PTPRK: variants seen among roughly 807,000 people sequenced by gnomAD.
PTPRK encodes the protein protein tyrosine phosphatase receptor type K.
PTPRK carries 75 observed loss-of-function variants against 178.0 expected under a neutral mutation model. The ratio of observed to expected loss-of-function variants is 0.42; its 90% CI spans 0.35 to 0.51. The LOEUF (loss-of-function observed/expected upper bound fraction) is 0.51, where lower values mean the gene tolerates loss of function less well. PTPRK is among the 20% of genes least tolerant of loss of function. The pLI is 0.02. For synonymous variants in PTPRK, 637 were observed against 620.6 expected, an observed-to-expected ratio of 1.03 and a Z score of -0.39; for missense variants, 1,441 against 1,797.8, an observed-to-expected ratio of 0.80 and a Z score of 3.59.
chr6:128,026,235 T>C (rs902238215), intron 13 of PTPRK, among the ~76,000 whole-genome samples: 3 of 152,236 alleles, frequency 2.0e-5, no homozygotes, highest in Non-Finnish European at 4.4e-5. Context: ...AATTTGTTTT[T>C]ACTGCTACCA....
intron 5 of PTPRK, among the ~76,000 whole-genome samples, chr6:128,228,047 C>T (rs1811655368): frequency 6.6e-6 from 1 of 150,558 alleles, no homozygotes; most frequent in South Asian, 2.1e-4. Context: ...CAGCAAACCA[C>T]CATGGCACGT....
At chr6:128,226,226 C>A (rs1811269838) in intron 5 of PTPRK, among the ~76,000 whole-genome samples, 1 of 152,086 alleles carries the variant, frequency 6.6e-6, no homozygotes, top group Admixed American at 6.5e-5. Context: ...GTATTTGTAC[C>A]AACTTATTCA....
intron 13 of PTPRK, among the ~76,000 whole-genome samples, chr6:128,010,438 T>G (rs1401460694): frequency 6.6e-6 from 1 of 151,116 alleles, no homozygotes. Context: ...AAATCAACCA[T>G]TTGTCTACAT....
intron 13 of PTPRK, among the ~76,000 whole-genome samples, chr6:128,018,359 G>C (rs1779849328): frequency 6.6e-6 from 1 of 151,956 alleles, no homozygotes; most frequent in Non-Finnish European, 1.5e-5. Flanking sequence ...ATTAATGCTA[G>C]GGTTAACTGA....
At chr6:128,069,773 T>G (rs1368630989) in intron 11 of PTPRK, among the ~76,000 whole-genome samples, 2 of 152,136 alleles carry the variant, frequency 1.3e-5, no homozygotes, top group Admixed American at 6.6e-5. Flanking sequence ...CTAATTCTAT[T>G]ACATTGACAG....
chr6:128,331,823 C>T (rs1050816821), intron 2 of PTPRK, among the ~76,000 whole-genome samples: 35 of 152,048 alleles, frequency 2.3e-4, no homozygotes, highest in Non-Finnish European at 2.9e-5. Flanking sequence ...CTTTAGTATC[C>T]GTGACATGTC....
intron 7 of PTPRK, among the ~76,000 whole-genome samples, chr6:128,115,376 TTCTCCACTTTCCCACACATG>T (rs1270465064): frequency 6.6e-6 from 1 of 151,846 alleles, no homozygotes; most frequent in Non-Finnish European, 1.5e-5. Flanking sequence ...TGCTCACCCT[TTCTCCACTTTCCCACACATG>T]TCTCCTTGGT....
chr6:128,219,561 G>A (rs1464419660), intron 5 of PTPRK, among the ~76,000 whole-genome samples: 1 of 152,204 alleles, frequency 6.6e-6, no homozygotes, highest in East Asian at 1.9e-4. Flanking sequence ...ACAGGCCACA[G>A]ACCAGTACCA....
chr6:128,381,853 A>G (rs1165893965), intron 2 of PTPRK, among the ~76,000 whole-genome samples: 1 of 152,246 alleles, frequency 6.6e-6, no homozygotes, highest in Admixed American at 6.6e-5. Context: ...GGAAGTTTAG[A>G]CTAGAGATAA....
At chr6:128,175,807 T>TTACA (rs1800979775) in intron 7 of PTPRK, among the ~76,000 whole-genome samples, 1 of 151,806 alleles carries the variant, frequency 6.6e-6, no homozygotes, top group African/African-American at 2.4e-5. Flanking sequence ...TATGCAGTCT[T>TTACA]TACAGAATAT....
At chr6:128,358,732 C>T (rs1476073421) in intron 2 of PTPRK, among the ~76,000 whole-genome samples, 1 of 152,160 alleles carries the variant, frequency 6.6e-6, no homozygotes, top group East Asian at 1.9e-4. Context: ...GCAAATAGAA[C>T]CCTTGCTCGG....
At chr6:128,343,795 T>C (rs1183849990) in intron 2 of PTPRK, among the ~76,000 whole-genome samples, 2 of 152,148 alleles carry the variant, frequency 1.3e-5, no homozygotes, top group African/African-American at 2.4e-5. Context: ...TGACAAAATA[T>C]ACAAAGCCAA....
intron 7 of PTPRK, among the ~76,000 whole-genome samples, chr6:128,139,032 G>T: frequency 6.6e-6 from 1 of 152,130 alleles, no homozygotes. Flanking sequence ...TCAGAGTAGG[G>T]GAGAATAATG....
chr6:128,316,292 T>C (rs1337511945), intron 3 of PTPRK, among the ~76,000 whole-genome samples: 1 of 152,196 alleles, frequency 6.6e-6, no homozygotes. Flanking sequence ...GTCTTCCTCA[T>C]TCCCCTTAGA....
chr6:128,066,403 C>G (rs768276325), intron 12 of PTPRK, among the ~76,000 whole-genome samples: 5 of 152,112 alleles, frequency 3.3e-5, no homozygotes, highest in Non-Finnish European at 5.9e-5. Flanking sequence ...AGCATACAGG[C>G]AAGCAAACAA....
At chr6:128,289,709 T>C (rs1319206342) in intron 3 of PTPRK, among the ~76,000 whole-genome samples, 1 of 152,126 alleles carries the variant, frequency 6.6e-6, no homozygotes, top group Non-Finnish European at 1.5e-5. Flanking sequence ...TTTGCCACCG[T>C]AATATACTTT....
At chr6:128,063,091 ACAGT>A (rs1781143897) in intron 13 of PTPRK, among the ~76,000 whole-genome samples, 1 of 152,178 alleles carries the variant, frequency 6.6e-6, no homozygotes, top group African/African-American at 2.4e-5. Context: ...CCTAAGGGAC[ACAGT>A]CAATATTTGA....
chr6:128,302,285 G>A (rs976393361), intron 3 of PTPRK, among the ~76,000 whole-genome samples: 1 of 151,376 alleles, frequency 6.6e-6, no homozygotes, highest in Non-Finnish European at 1.5e-5. Flanking sequence ...CCAGCTACTA[G>A]GGAGGCTGCG....
chr6:128,220,630 C>T (rs528072173), intron 5 of PTPRK, among the ~76,000 whole-genome samples: 2 of 152,056 alleles, frequency 1.3e-5, no homozygotes, highest in African/African-American at 2.4e-5. Context: ...CCTCAGGACC[C>T]GGCAATTCTA....
Sources: allele counts gnomAD v4.1 joint callset (sites outside exome capture counted in the v4.1 genomes callset), GRCh38; gene constraint gnomAD v4.1.1; transcripts MANE v1.5; gene names NCBI Gene and HGNC (gene_info 2026-07-23, HGNC 2026-07-21).